Variants in RGS7 observed in about 807,000 individuals in gnomAD.
The protein encoded by RGS7 is regulator of G protein signaling 7.
Under a neutral mutation model 81.1 loss-of-function variants are expected in RGS7, and 27 were observed. The ratio of observed to expected loss-of-function variants is 0.33; its 90% CI spans 0.25 to 0.46. The LOEUF (loss-of-function observed/expected upper bound fraction) is 0.46, where lower values mean the gene tolerates loss of function less well. Ranked by LOEUF, RGS7 falls within the 20% of genes least tolerant of loss-of-function variation. The pLI, the probability that RGS7 is intolerant of heterozygous loss-of-function variation, is 1.00. For synonymous variants in RGS7, 208 were observed against 207.7 expected (o/e 1.00, Z -0.01); for missense variants, 396 against 607.4 (o/e 0.65, Z 3.66).
intron 6 of RGS7, among the ~76,000 whole-genome samples, chr1:240,878,489 C>CTTTTTTTTT (rs57896753): frequency 3.7e-4 from 44 of 117,498 alleles, no homozygotes; most frequent in Non-Finnish European, 5.3e-4. Context: ...TTTTTTCTTT[C>CTTTTTTTTT]TTTTTTTTTT....
chr1:240,837,731 C>T (rs1694949009), intron 9 of RGS7, among the ~76,000 whole-genome samples: 1 of 152,202 alleles, frequency 6.6e-6, no homozygotes, highest in Non-Finnish European at 1.5e-5. Flanking sequence ...AATGAACTAG[C>T]TACTGAACTG....
chr1:241,134,448 T>C (rs1425436641), intron 2 of RGS7, among the ~76,000 whole-genome samples: 2 of 152,206 alleles, frequency 1.3e-5, no homozygotes, highest in African/African-American at 2.4e-5. Flanking sequence ...CATATGTATA[T>C]AAAATGCAAT....
At chr1:241,100,759 C>T (rs970093754) in intron 2 of RGS7, among the ~76,000 whole-genome samples, 2 of 152,182 alleles carry the variant, frequency 1.3e-5, no homozygotes, top group Non-Finnish European at 2.9e-5. Context: ...ATATATAAAG[C>T]CTGGTACATA....
intron 3 of RGS7, among the ~76,000 whole-genome samples, chr1:241,050,628 G>T (rs1204518336): frequency 6.6e-6 from 1 of 151,960 alleles, no homozygotes; most frequent in Admixed American, 6.6e-5. Context: ...CTTATCCCTG[G>T]ATTTTCTCCC....
At chr1:241,060,789 A>G (rs2061701221) in intron 3 of RGS7, among the ~76,000 whole-genome samples, 1 of 152,228 alleles carries the variant, frequency 6.6e-6, no homozygotes, top group African/African-American at 2.4e-5. Flanking sequence ...AGACTACCTC[A>G]GCACAGATGC....
intron 16 of RGS7, among the ~76,000 whole-genome samples, chr1:240,801,731 C>A (rs1688058469): frequency 6.6e-6 from 1 of 152,058 alleles, no homozygotes; most frequent in Non-Finnish European, 1.5e-5. Flanking sequence ...CTTGTACAAA[C>A]AAAATGGTGT....
At chr1:241,001,395 AAAGT>A (rs1688123727) in intron 3 of RGS7, among the ~76,000 whole-genome samples, 1 of 152,208 alleles carries the variant, frequency 6.6e-6, no homozygotes, top group South Asian at 2.1e-4. Context: ...AACAATTTTA[AAAGT>A]AAGATAGTAA....
At chr1:241,126,642 G>C (rs2066682611) in intron 2 of RGS7, among the ~76,000 whole-genome samples, 1 of 152,140 alleles carries the variant, frequency 6.6e-6, no homozygotes, top group African/African-American at 2.4e-5. Context: ...CCTTCTCACG[G>C]AGTTATTATG....
At chr1:240,817,869 C>T (rs985608220) in intron 10 of RGS7, among the ~76,000 whole-genome samples, 8 of 152,174 alleles carry the variant, frequency 5.3e-5, no homozygotes, top group African/African-American at 1.9e-4. Flanking sequence ...TCCCAAAATG[C>T]TGGGATTACA....
intron 2 of RGS7, among the ~76,000 whole-genome samples, chr1:241,254,577 C>G (rs867651293): frequency 6.6e-6 from 1 of 152,236 alleles, no homozygotes; most frequent in South Asian, 2.1e-4. Context: ...AACTCAATTA[C>G]CTTCCAAAGG....
At chr1:241,128,813 T>C (rs1318149089) in intron 2 of RGS7, among the ~76,000 whole-genome samples, 1 of 129,656 alleles carries the variant, frequency 7.7e-6, no homozygotes, top group Non-Finnish European at 1.6e-5. Context: ...TTCAGAGGAA[T>C]AAGTAGGGAA....
intron 2 of RGS7, among the ~76,000 whole-genome samples, chr1:241,137,215 T>C (rs1406095189): frequency 6.6e-6 from 1 of 152,114 alleles, no homozygotes; most frequent in South Asian, 2.1e-4. Flanking sequence ...GCATTTTTTT[T>C]TCCTTTTCTT....
At chr1:241,266,371 G>A (rs1327796941) in intron 2 of RGS7, among the ~76,000 whole-genome samples, 1 of 152,116 alleles carries the variant, frequency 6.6e-6, no homozygotes, top group East Asian at 1.9e-4. Context: ...AAATAATTGG[G>A]TGCCTCATTA....
chr1:241,247,580 G>C (rs911193268), intron 2 of RGS7, among the ~76,000 whole-genome samples: 7 of 152,026 alleles, frequency 4.6e-5, no homozygotes, highest in African/African-American at 1.7e-4. Context: ...GGGTAGTAAG[G>C]CTTTGTAACA....
chr1:240,913,252 T>A (rs1672053220), intron 6 of RGS7, among the ~76,000 whole-genome samples: 1 of 152,236 alleles, frequency 6.6e-6, no homozygotes, highest in African/African-American at 2.4e-5. Flanking sequence ...ATGCATGATG[T>A]AAGTATGCAT....
At chr1:240,779,248 C>T (rs1324445204) in intron 18 of RGS7, among the ~76,000 whole-genome samples, 2 of 151,812 alleles carry the variant, frequency 1.3e-5, no homozygotes, top group Non-Finnish European at 2.9e-5. Flanking sequence ...GCTTGAGTTG[C>T]TGGGTTCAAG....
intron 3 of RGS7, among the ~76,000 whole-genome samples, chr1:241,072,137 C>A (rs1453746571): frequency 6.6e-6 from 1 of 152,102 alleles, no homozygotes; most frequent in African/African-American, 2.4e-5. Context: ...CAGAGCACAC[C>A]TGATGAGTTA....
intron 2 of RGS7, among the ~76,000 whole-genome samples, chr1:241,309,538 C>T (rs564522752): frequency 6.6e-6 from 1 of 152,264 alleles, no homozygotes; most frequent in African/African-American, 2.4e-5. Context: ...CTTCAAGTGC[C>T]GTGGCATCTG....
intron 2 of RGS7, among the ~76,000 whole-genome samples, chr1:241,260,774 T>G (rs1473237774): frequency 6.6e-6 from 1 of 152,066 alleles, no homozygotes. Flanking sequence ...AAAACCCAAA[T>G]CCATCCTTTG....
Sources: allele counts gnomAD v4.1 joint callset (sites outside exome capture counted in the v4.1 genomes callset), GRCh38; gene constraint gnomAD v4.1.1; transcripts MANE v1.5; gene names NCBI Gene and HGNC (gene_info 2026-07-23, HGNC 2026-07-21).